Variants in CNTNAP5 observed in about 807,000 individuals in gnomAD.
CNTNAP5 encodes contactin associated protein family member 5.
In CNTNAP5, 72 loss-of-function variants were observed where a neutral mutation model predicts 150.2. The ratio of observed to expected loss-of-function variants is 0.48; its 90% CI spans 0.40 to 0.58. The LOEUF (loss-of-function observed/expected upper bound fraction) is 0.58. Ranked by LOEUF, CNTNAP5 falls within the 20% of genes least tolerant of loss-of-function variation. The probability of loss-of-function intolerance (pLI) is 0.00; values close to 1 mark genes in which losing one functional copy is unlikely to be tolerated. For synonymous variants in CNTNAP5, 672 were observed against 619.8 expected, an observed-to-expected ratio of 1.08 and a Z score of -1.25; for missense variants, 1,636 against 1,626.2, an observed-to-expected ratio of 1.01 and a Z score of -0.10.
intron 1 of CNTNAP5, among the ~76,000 whole-genome samples, chr2:124,076,959 G>A (rs1682451900): frequency 6.6e-6 from 1 of 152,102 alleles, no homozygotes. Context: ...GAGCATTTCA[G>A]AACCTCAGTG....
At chr2:124,537,037 T>TGA (rs1039786979) in intron 10 of CNTNAP5, among the ~76,000 whole-genome samples, 4 of 150,542 alleles carry the variant, frequency 2.7e-5, no homozygotes, top group Admixed American at 6.6e-5. Context: ...TGTGTGTGTG[T>TGA]GAGAGAGAGA....
At chr2:124,717,890 A>G (rs985951161) in intron 13 of CNTNAP5, among the ~76,000 whole-genome samples, 1 of 152,194 alleles carries the variant, frequency 6.6e-6, no homozygotes, top group South Asian at 2.1e-4. Flanking sequence ...AAAGGAGTCA[A>G]TAAAGATGAA....
chr2:124,129,123 G>C (rs1683787055), intron 1 of CNTNAP5, among the ~76,000 whole-genome samples: 1 of 151,732 alleles, frequency 6.6e-6, no homozygotes, highest in African/African-American at 2.4e-5. Context: ...GAAAGAAATG[G>C]AAGCAATGTA....
chr2:124,127,342 C>T (rs888873631), intron 1 of CNTNAP5, among the ~76,000 whole-genome samples: 2 of 152,024 alleles, frequency 1.3e-5, no homozygotes, highest in Non-Finnish European at 2.9e-5. Context: ...CCTAGGAATC[C>T]AACTTACAAG....
Position 124,555,160 on chromosome 2 carries a change from A to C in CNTNAP5, c.1650-8057A>C, listed in dbSNP as rs530085231. Among the ~76,000 whole-genome samples, 296 of 152,278 alleles carry C rather than the reference A, an allele frequency of 1.9e-3. 4 individuals are homozygous for C. Among genetic ancestry groups the C allele is most frequent in the African/African-American group, 6.9e-3 (285 of 41,554 alleles). Reference sequence around the variant, plus strand: ...AAAAGTGAAAATTACAACACACAGAAGTTTCTGTCCAGGACCAGTTTTGTG... The same window carrying C: ...AAAAGTGAAAATTACAACACACAGACGTTTCTGTCCAGGACCAGTTTTGTG... On this transcript the variant is annotated intron_variant, in intron 10 of 23. Transcript: ENST00000682447.
intron 19 of CNTNAP5, among the ~76,000 whole-genome samples, chr2:124,861,171 C>T (rs568090020): frequency 2.6e-5 from 4 of 151,990 alleles, no homozygotes; most frequent in Admixed American, 6.6e-5. Flanking sequence ...GATAAACCAT[C>T]GGTTCTTTTA....
chr2:124,714,812 T>C (rs1250163989), intron 13 of CNTNAP5, among the ~76,000 whole-genome samples: 1 of 152,088 alleles, frequency 6.6e-6, no homozygotes, highest in Non-Finnish European at 1.5e-5. Context: ...CATTTTTTAC[T>C]TGCTAAACAC....
intron 3 of CNTNAP5, among the ~76,000 whole-genome samples, chr2:124,271,705 T>TATC (rs746396140): frequency 0.081 from 2,146 of 26,544 alleles, 17 homozygotes; most frequent in South Asian, 0.19. Flanking sequence ...ATCTATCATC[T>TATC]ATCTATCTAT....
chr2:124,589,834 G>C (rs1696640330), intron 11 of CNTNAP5, among the ~76,000 whole-genome samples: 2 of 152,154 alleles, frequency 1.3e-5, no homozygotes, highest in African/African-American at 4.8e-5. Context: ...TCAAGAAGCA[G>C]AATAGTTTCA....
intron 1 of CNTNAP5, among the ~76,000 whole-genome samples, chr2:124,172,320 A>G (rs994707764): frequency 5.4e-4 from 83 of 152,334 alleles, no homozygotes; most frequent in African/African-American, 1.8e-3. Flanking sequence ...AGAAATTTCT[A>G]AATTCCAAAA....
At chr2:124,771,402 T>TC (rs1198592367) in intron 16 of CNTNAP5, among the ~76,000 whole-genome samples, 1 of 152,088 alleles carries the variant, frequency 6.6e-6, no homozygotes, top group African/African-American at 2.4e-5. Context: ...GACAATATAC[T>TC]CAACAGAGCA....
intron 3 of CNTNAP5, among the ~76,000 whole-genome samples, chr2:124,414,964 TA>T (rs2104774563): frequency 6.6e-6 from 1 of 152,260 alleles, no homozygotes; most frequent in East Asian, 1.9e-4. Flanking sequence ...ACTTTTACTC[TA>T]CCCAAAACAG....
intron 7 of CNTNAP5, among the ~76,000 whole-genome samples, chr2:124,481,746 A>T (rs1200253484): frequency 6.6e-6 from 1 of 152,182 alleles, no homozygotes; most frequent in Non-Finnish European, 1.5e-5. Context: ...GCACTAAATC[A>T]ATTTACCATA....
At chr2:124,200,640 A>C (rs977613582) in intron 1 of CNTNAP5, among the ~76,000 whole-genome samples, 2 of 152,200 alleles carry the variant, frequency 1.3e-5, no homozygotes, top group African/African-American at 2.4e-5. Context: ...AAACTTACTC[A>C]TATTGTTTCA....
In CNTNAP5 at chr2:124,590,262, C is replaced by A. The variant is rs566833379; in HGVS notation, c.1757-19539C>A. On this transcript the variant is annotated intron_variant, in intron 11 of 23. Coordinates refer to ENST00000682447, the MANE Select transcript of CNTNAP5 (RefSeq NM_001367498.1). ...GCGAACTAAGACAATCCTGTTATGG[C>A]CGCACCTGCACTCTCCTATCTCCAT... Among the ~76,000 whole-genome samples the A allele has an allele frequency of 2.0e-5, 3 of 152,262 alleles. No homozygotes were observed. The South Asian group carries it at 6.2e-4, about 32-fold the overall frequency.
chr2:124,084,985 G>A (rs867435791), intron 1 of CNTNAP5, among the ~76,000 whole-genome samples: 144 of 139,078 alleles, frequency 1.0e-3, no homozygotes, highest in African/African-American at 3.7e-3. Flanking sequence ...GCAGTGGCGT[G>A]ATCTCGGCTC....
intron 16 of CNTNAP5, 39 bp from the exon 17 acceptor site, chr2:124,772,760 A>T: frequency 1.3e-6 from 2 of 1,515,024 alleles, no homozygotes; most frequent in African/African-American, 1.4e-5. Context: ...ATGAGCTAAC[A>T]ACTCCCTCTA....
chr2:124,650,712 G>A (rs531756070), intron 13 of CNTNAP5, among the ~76,000 whole-genome samples: 1 of 152,242 alleles, frequency 6.6e-6, no homozygotes, highest in East Asian at 1.9e-4. Flanking sequence ...GCCTGTATTT[G>A]TCACACACAG....
intron 11 of CNTNAP5, among the ~76,000 whole-genome samples, chr2:124,592,614 T>C (rs1424544527): frequency 2.6e-5 from 4 of 152,008 alleles, no homozygotes; most frequent in Non-Finnish European, 5.9e-5. Flanking sequence ...ATCCAAAAGA[T>C]TGACAACACT....
Sources: gnomAD v4.1 joint callset for allele counts (sites outside exome capture counted in the v4.1 genomes callset) on GRCh38, gnomAD v4.1.1 for gene constraint, MANE v1.5 for transcripts, NCBI Gene and HGNC (gene_info 2026-07-23, HGNC 2026-07-21) for gene names.